The following C4BPA variants were observed in gnomAD, a reference collection of about 807,000 sequenced individuals.
C4BPA encodes complement component 4 binding protein alpha, also known as C4b-binding protein alpha chain.
A neutral mutation model predicts 63.7 loss-of-function variants in C4BPA; 31 were observed. The observed-to-expected ratio is 0.49, with a 90% CI of 0.37 to 0.66. The LOEUF (loss-of-function observed/expected upper bound fraction) is 0.66. Ranked by LOEUF, C4BPA falls within the 30% of genes least tolerant of loss-of-function variation. The pLI is 0.00. For missense variants in C4BPA, 572 were observed against 723.3 expected (o/e 0.79, Z 2.40); for synonymous variants, 259 against 254.7 (o/e 1.02, Z -0.16).
Position 207,144,958 on chromosome 1 carries a change from A to G in C4BPA, c.*241A>G, listed in dbSNP as rs1183634439. ...CAAATTTTTTTTCGATTAAAAATGT[A>G]TGTATAAAAAACTATTTTGTCTTTG... On this transcript the variant is annotated 3_prime_UTR_variant, in exon 12 of 12. Transcript: ENST00000367070. 3.8e-6 allele frequency: 1 copy of G among 260,744 alleles called. No homozygotes were observed. Among genetic ancestry groups the G allele is most frequent in the Non-Finnish European group, 7.2e-6 (1 of 138,906 alleles). 16.2% of individuals were successfully genotyped at this position (260,744 alleles called of 1,614,324 possible).
intron 9 of C4BPA, among the ~76,000 whole-genome samples, chr1:207,134,978 T>A (rs1572795378): frequency 6.6e-6 from 1 of 152,214 alleles, no homozygotes; most frequent in African/African-American, 2.4e-5. Flanking sequence ...AGCAGCCTTC[T>A]GTTACCTCTG....
intron 9 of C4BPA, among the ~76,000 whole-genome samples, chr1:207,136,594 A>T (rs1453859142): frequency 6.6e-6 from 1 of 152,180 alleles, no homozygotes; most frequent in Non-Finnish European, 1.5e-5. Flanking sequence ...TTCTTTCAGG[A>T]AGATTACCCC....
At chr1:207,124,790 G>A (rs1435061943) in intron 6 of C4BPA, among the ~76,000 whole-genome samples, 1 of 152,208 alleles carries the variant, frequency 6.6e-6, no homozygotes, top group Non-Finnish European at 1.5e-5. Flanking sequence ...AGTAGACGAA[G>A]AGAGAAAGGC....
At chr1:207,132,751 G>A (rs969652494) in intron 8 of C4BPA, among the ~76,000 whole-genome samples, 11 of 152,126 alleles carry the variant, frequency 7.2e-5, no homozygotes, top group Admixed American at 3.3e-4. Flanking sequence ...GGCTAGGTGC[G>A]GTGGCTCCTA....
At chr1:207,124,501 T>C (rs1207021955) in intron 6 of C4BPA, 135 bp downstream of exon 6, 2 of 674,372 alleles carry the variant, frequency 3.0e-6, no homozygotes, top group East Asian at 5.4e-5. Flanking sequence ...AATCATTTAT[T>C]TGGCCACCTG....
At chr1:207,113,606 TG>T (rs1403201438) in intron 2 of C4BPA, among the ~76,000 whole-genome samples, 5 of 152,136 alleles carry the variant, frequency 3.3e-5, no homozygotes, top group African/African-American at 1.2e-4. Context: ...ATCAAACAGA[TG>T]TAAAAAAAAT....
intron 9 of C4BPA, among the ~76,000 whole-genome samples, chr1:207,137,505 A>G (rs1685306960): frequency 1.3e-5 from 2 of 152,234 alleles, no homozygotes; most frequent in Admixed American, 1.3e-4. Context: ...CTTCTGGATC[A>G]TAGGTAGATT....
At chr1:207,130,769 A>T (rs902426978) in intron 7 of C4BPA, among the ~76,000 whole-genome samples, 4 of 152,192 alleles carry the variant, frequency 2.6e-5, no homozygotes, top group African/African-American at 9.6e-5. Context: ...AAAGAAAAAA[A>T]TAGATTAGTG....
At chr1:207,144,083 A>G in intron 11 of C4BPA, 90 bp downstream of exon 11, 3 of 906,322 alleles carry the variant, frequency 3.3e-6, no homozygotes, top group Non-Finnish European at 4.8e-6. Context: ...ACAATGGTGA[A>G]ATCTGACTTG....
At chr1:207,124,147 T>C (rs1371721659) in intron 5 of C4BPA, 28 bp from the exon 6 acceptor site, 3 of 1,599,852 alleles carry the variant, frequency 1.9e-6, no homozygotes, top group Non-Finnish European at 1.7e-6. Flanking sequence ...TCGCTGAGTA[T>C]TTCTTTCTCT....
At chr1:207,142,704 G>A (rs1174878084) in intron 10 of C4BPA, among the ~76,000 whole-genome samples, 1 of 152,158 alleles carries the variant, frequency 6.6e-6, no homozygotes, top group South Asian at 2.1e-4. Flanking sequence ...TCTGTTGGCT[G>A]CATAAATGTC....
intron 4 of C4BPA, among the ~76,000 whole-genome samples, chr1:207,120,724 A>G (rs1684904902): frequency 6.6e-6 from 1 of 152,242 alleles, no homozygotes; most frequent in African/African-American, 2.4e-5. Flanking sequence ...ATGATATACA[A>G]TCAACTTTCA....
chr1:207,112,344 C>CT (rs1553255615), intron 1 of C4BPA, among the ~76,000 whole-genome samples: 12 of 141,202 alleles, frequency 8.5e-5, no homozygotes, highest in South Asian at 2.2e-4. Context: ...ATTTTCCTGC[C>CT]TTTTTGTTTT....
Position 207,114,121 on chromosome 1 carries a change from C to G in C4BPA, c.164C>G (p.Thr55Ser). ...AVLGNCGPPPTLSFAAPMDIT... is the reference protein window; with the variant it reads ...AVLGNCGPPPSLSFAAPMDIT... ...CCAGGCAATTGTGGTCCTCCACCCACTTTATCATTTGCTGCCCCGATGGAT... is the reference window on the plus strand; with the variant it reads ...CCAGGCAATTGTGGTCCTCCACCCAGTTTATCATTTGCTGCCCCGATGGAT... The change falls in exon 3 of 12, where the codon ACT becomes AGT. Residue 55 changes from threonine to serine, a missense_variant. Physicochemically the swap from Thr to Ser is moderately conservative, Grantham distance 58. Transcript: ENST00000367070. 6.2e-7 allele frequency: 1 copy of G among 1,612,782 alleles called. No homozygotes were observed. The highest frequency in any genetic ancestry group is 8.5e-7 in the Non-Finnish European group (1 of 1,179,266).
intron 6 of C4BPA, among the ~76,000 whole-genome samples, chr1:207,125,491 G>A (rs971951699): frequency 1.3e-5 from 2 of 152,078 alleles, no homozygotes; most frequent in African/African-American, 4.8e-5. Flanking sequence ...TGGAACTTTT[G>A]GGGAAGTGAT....
intron 9 of C4BPA, among the ~76,000 whole-genome samples, chr1:207,134,961 C>CT (rs1685248304): frequency 6.6e-6 from 1 of 152,118 alleles, no homozygotes; most frequent in Non-Finnish European, 1.5e-5. Context: ...CTTCTTCTTC[C>CT]TCAAACAGCA....
rs1684763826 is a variant in C4BPA, at chr1:207,115,448, A to G, written c.361A>G (p.Asn121Asp). Residue 121 changes from asparagine to aspartate, a missense_variant, in exon 4 of 12, where the codon AAT becomes GAT. By Grantham distance (23) the Asn-to-Asp change is conservative. Around this residue, in one of 2 missense-constraint regions of C4BPA, gnomAD observed 465 missense variants for 629.4 expected, o/e 0.74. Transcript: ENST00000367070. Reference protein sequence around the residue: ...KRCRHPGELRNGQVEIKTDLS... With the variant: ...KRCRHPGELRDGQVEIKTDLS... ...ATGCAGACACCCAGGAGAGTTACGT[A>G]ATGGGCAAGTAGAGATTAAGACAGA... is the stretch of plus-strand genomic sequence containing the variant. 2 of 1,600,056 alleles carry G rather than the reference A, an allele frequency of 1.2e-6. No individual in the cohort carries two copies.
rs74867186 is a variant in C4BPA at position 207,113,064 on chromosome 1, A to G, written c.39A>G (p.Arg13=). 6,576 of 1,609,546 alleles carry G rather than the reference A, an allele frequency of 4.1e-3. 45 individuals are homozygous for G. Among genetic ancestry groups the G allele is most frequent in the African/African-American group, 0.025 (1,860 of 74,644 alleles). ...PPKTPSGALH[R]KRKMAAWPFS... ...AAACTCCATCTGGGGCTCTTCATAG[A>G]AAAAGGAAAATGGCAGCCTGGCCCT... is the stretch of plus-strand genomic sequence containing the variant. Residue 13 remains arginine, a synonymous_variant, in exon 2 of 12, where the codon AGA becomes AGG. Coordinates refer to ENST00000367070, the MANE Select transcript of C4BPA (RefSeq NM_000715.4).
intron 4 of C4BPA, among the ~76,000 whole-genome samples, chr1:207,120,917 T>A (rs1431767640): frequency 2.0e-5 from 3 of 152,250 alleles, no homozygotes; most frequent in Non-Finnish European, 4.4e-5. Flanking sequence ...CAAGCAATCC[T>A]CTTGCCTCAG....
Sources: gnomAD v4.1 joint callset for allele counts (sites outside exome capture counted in the v4.1 genomes callset) on GRCh38, gnomAD v4.1.1 for gene constraint, gnomAD v4.1.1 regional missense constraint, MANE v1.5 for transcripts, NCBI Gene and HGNC (gene_info 2026-07-23, HGNC 2026-07-21) for gene names.